The following EYS variants were observed in gnomAD, a reference collection of about 807,000 sequenced individuals.
EYS encodes EGF-like photoreceptor maintenance factor, also known as protein eyes shut homolog.
In EYS, 250 loss-of-function variants were observed where a neutral mutation model predicts 282.1. That is an observed-to-expected ratio of 0.89 (90% CI 0.80 to 0.98). The LOEUF is 0.98. Ranked by LOEUF, EYS falls within the 50% of genes least tolerant of loss-of-function variation. EYS has a pLI of 0.00. For missense variants in EYS, 4,016 were observed against 3,709.0 expected (o/e 1.08, Z -2.15); for synonymous variants, 1,355 against 1,282.9 (o/e 1.06, Z -1.20).
intron 22 of EYS, chr6:64,730,733 C>T (rs1384485177): frequency 2.6e-5 from 4 of 152,106 alleles, no homozygotes; most frequent in Non-Finnish European, 5.9e-5. Context: ...GCCTCGGCCT[C>T]CCAAAGTGTT....
At chr6:65,072,303 G>A (rs1237482774) in intron 12 of EYS, among the ~76,000 whole-genome samples, 3 of 151,640 alleles carry the variant, frequency 2.0e-5, no homozygotes, top group Non-Finnish European at 4.4e-5. Context: ...AGTAGGAGAA[G>A]GAATCAGAGA....
chr6:63,990,936 A>T (rs1171645262), intron 34 of EYS, among the ~76,000 whole-genome samples: 1 of 151,564 alleles, frequency 6.6e-6, no homozygotes, highest in Non-Finnish European at 1.5e-5. Flanking sequence ...TCATGCACCC[A>T]ATGTTCTGGC....
intron 8 of EYS, among the ~76,000 whole-genome samples, chr6:65,365,448 T>G (rs1252418593): frequency 6.6e-6 from 1 of 151,698 alleles, no homozygotes; most frequent in Non-Finnish European, 1.5e-5. Flanking sequence ...TGAGTGCGTA[T>G]GTGTGGTCAG....
intron 12 of EYS, among the ~76,000 whole-genome samples, chr6:65,192,303 G>A (rs1459371044): frequency 1.4e-5 from 2 of 147,862 alleles, no homozygotes; most frequent in South Asian, 2.1e-4. Flanking sequence ...CTGTGTGTGT[G>A]TGTGTGTGTG....
At chr6:64,542,420 T>C (rs908553464) in intron 26 of EYS, among the ~76,000 whole-genome samples, 2 of 152,118 alleles carry the variant, frequency 1.3e-5, no homozygotes, top group Non-Finnish European at 2.9e-5. Context: ...CTCTCAATTA[T>C]ACTGTTTATT....
chr6:63,964,951 G>C (rs1055973548), intron 35 of EYS, among the ~76,000 whole-genome samples: 3 of 152,168 alleles, frequency 2.0e-5, no homozygotes, highest in African/African-American at 7.2e-5. Flanking sequence ...CTTCACCATG[G>C]TGAATACTTT....
intron 5 of EYS, among the ~76,000 whole-genome samples, chr6:65,406,316 T>C (rs1010487912): frequency 2.0e-5 from 3 of 152,126 alleles, no homozygotes; most frequent in Admixed American, 6.6e-5. Context: ...TCTTTGTATA[T>C]ATTGAATAAA....
chr6:64,290,733 T>C (rs1481997706), intron 30 of EYS, among the ~76,000 whole-genome samples: 5 of 151,924 alleles, frequency 3.3e-5, no homozygotes, highest in Non-Finnish European at 7.4e-5. Flanking sequence ...ATGTATCATA[T>C]GTTCGAGTCG....
At chr6:64,128,815 G>T (rs1451293387) in intron 31 of EYS, among the ~76,000 whole-genome samples, 1 of 152,130 alleles carries the variant, frequency 6.6e-6, no homozygotes, top group Non-Finnish European at 1.5e-5. Flanking sequence ...CACTGTGTAT[G>T]GAAGGGTCTC....
intron 31 of EYS, among the ~76,000 whole-genome samples, chr6:64,148,550 A>T (rs558988692): frequency 5.9e-5 from 9 of 152,294 alleles, no homozygotes; most frequent in Non-Finnish European, 1.0e-4. Context: ...CTTACAGTGA[A>T]TCAATCAAAT....
In EYS at chr6:64,941,907, G is replaced by A. The variant is rs988740344; in HGVS notation, c.2381+3886C>T. The stretch of plus-strand genomic sequence containing the variant: ...CTATGTCTTTGCTATGGTGAGTAGC[G>A]CTGAGATGACTACATGAGTGCATGT... On this transcript the variant is annotated intron_variant, in intron 15 of 42. Transcript: ENST00000503581. Among the ~76,000 whole-genome samples the A allele has an allele frequency of 7.2e-5, 11 of 152,018 alleles. No individual in the cohort carries two copies. The South Asian group carries it at 1.4e-3, about 20-fold the overall frequency.
At chr6:64,786,436 GA>G (rs1239318523) in intron 22 of EYS, among the ~76,000 whole-genome samples, 1 of 152,014 alleles carries the variant, frequency 6.6e-6, no homozygotes, top group Non-Finnish European at 1.5e-5. Context: ...CCTAGCCCAC[GA>G]AAAAGCTGGC....
chr6:64,366,718 T>C (rs1325325770), intron 29 of EYS, among the ~76,000 whole-genome samples: 6 of 152,028 alleles, frequency 3.9e-5, no homozygotes, highest in Non-Finnish European at 7.4e-5. Context: ...CTGAGTGATC[T>C]ACTGGCAGAA....
At chr6:64,846,359 A>C (rs1181887668) in intron 19 of EYS, among the ~76,000 whole-genome samples, 2 of 152,140 alleles carry the variant, frequency 1.3e-5, no homozygotes, top group Non-Finnish European at 2.9e-5. Flanking sequence ...TCACGTTCTC[A>C]AGACTAATGG....
chr6:64,337,596 A>G (rs1302780178), intron 29 of EYS, among the ~76,000 whole-genome samples: 1 of 152,028 alleles, frequency 6.6e-6, no homozygotes, highest in Non-Finnish European at 1.5e-5. Flanking sequence ...TCCACAAGAT[A>G]GAGAAAGAGG....
rs529315450 is a variant in EYS at position 65,080,526 on chromosome 6, T to C, written c.2024-22799A>G. On this transcript the variant is annotated intron_variant, in intron 12 of 42. Transcript: ENST00000503581. ...GGCTAAAGAATGAATCTAGGACTTATCTACTGATATTAGATATCATCATTT... is the reference window on the plus strand; with the variant it reads ...GGCTAAAGAATGAATCTAGGACTTACCTACTGATATTAGATATCATCATTT... Among the ~76,000 whole-genome samples the C allele has an allele frequency of 6.6e-5, 10 of 152,212 alleles. No homozygotes were observed. In the East Asian group the frequency reaches 9.7e-4, roughly 15 times the overall value.
intron 8 of EYS, among the ~76,000 whole-genome samples, chr6:65,376,612 A>C (rs1318026507): frequency 2.0e-5 from 3 of 152,178 alleles, no homozygotes; most frequent in African/African-American, 7.2e-5. Context: ...CCATTGGTGC[A>C]CTGCATTCAG....
At chr6:65,268,094 T>C (rs1767806399) in intron 12 of EYS, among the ~76,000 whole-genome samples, 1 of 152,014 alleles carries the variant, frequency 6.6e-6, no homozygotes, top group Non-Finnish European at 1.5e-5. Flanking sequence ...AAAAATGCTG[T>C]TATGCTGTGG....
intron 36 of EYS, among the ~76,000 whole-genome samples, chr6:63,834,285 G>A (rs1771736765): frequency 6.6e-6 from 1 of 152,082 alleles, no homozygotes; most frequent in Non-Finnish European, 1.5e-5. Flanking sequence ...CCTACAGAAT[G>A]GGAGAAAATT....
Sources: gnomAD v4.1 joint callset for allele counts (sites outside exome capture counted in the v4.1 genomes callset) on GRCh38, gnomAD v4.1.1 for gene constraint, MANE v1.5 for transcripts, NCBI Gene and HGNC (gene_info 2026-07-23, HGNC 2026-07-21) for gene names.